Variants in ARHGAP10 observed in about 807,000 individuals in gnomAD.
The protein encoded by ARHGAP10 is Rho GTPase activating protein 10, also known as rho GTPase-activating protein 10.
Under a neutral mutation model 108.6 loss-of-function variants are expected in ARHGAP10, and 87 were observed. The observed-to-expected ratio is 0.80, with a 90% CI of 0.67 to 0.96. The LOEUF (loss-of-function observed/expected upper bound fraction) is 0.96. Among genes scored for constraint, ARHGAP10 ranks in the 40% least tolerant of loss-of-function variants. ARHGAP10 has a pLI of 0.00. For missense variants in ARHGAP10, 939 were observed against 954.5 expected, an observed-to-expected ratio of 0.98 and a Z score of 0.21; for synonymous variants, 347 against 341.1, an observed-to-expected ratio of 1.02 and a Z score of -0.19.
chr4:148,049,855 GGGGGGT>G (rs1729053181), intron 20 of ARHGAP10, among the ~76,000 whole-genome samples: 51 of 129,816 alleles, frequency 3.9e-4, no homozygotes, highest in African/African-American at 4.7e-4. Flanking sequence ...GGCGGGGGGC[GGGGGGT>G]GGTGGTGGCG....
At chr4:147,944,624 A>G (rs1738299640) in intron 14 of ARHGAP10, among the ~76,000 whole-genome samples, 1 of 152,226 alleles carries the variant, frequency 6.6e-6, no homozygotes, top group Admixed American at 6.5e-5. Flanking sequence ...TAAAAAGGAA[A>G]TGCTAACAAG....
chr4:147,926,095 G>GGGGA (rs1456506068), intron 13 of ARHGAP10, among the ~76,000 whole-genome samples: 3 of 152,128 alleles, frequency 2.0e-5, no homozygotes, highest in African/African-American at 7.2e-5. Flanking sequence ...GGTATGATGT[G>GGGGA]GGGAGATGTT....
intron 18 of ARHGAP10, among the ~76,000 whole-genome samples, chr4:147,990,424 T>TA (rs1740222043): frequency 6.6e-6 from 1 of 152,186 alleles, no homozygotes; most frequent in Non-Finnish European, 1.5e-5. Flanking sequence ...CTGCTAGACT[T>TA]CAATTAATCT....
At chr4:147,845,085 A>T (rs567320432) in intron 3 of ARHGAP10, among the ~76,000 whole-genome samples, 7 of 152,280 alleles carry the variant, frequency 4.6e-5, no homozygotes, top group Non-Finnish European at 1.0e-4. Context: ...GTAATGCTCA[A>T]ACTCCTCACC....
chr4:147,805,165 G>T (rs190307358), intron 1 of ARHGAP10, among the ~76,000 whole-genome samples: 1 of 152,272 alleles, frequency 6.6e-6, no homozygotes, highest in Admixed American at 6.5e-5. Flanking sequence ...GAGTTAGGAA[G>T]GGGGTCTAGT....
At chr4:147,788,116 G>A (rs750158301) in intron 1 of ARHGAP10, among the ~76,000 whole-genome samples, 1 of 135,620 alleles carries the variant, frequency 7.4e-6, no homozygotes, top group African/African-American at 2.8e-5. Context: ...ACCATAAATA[G>A]CTCCTTTTAA....
chr4:147,802,061 T>C (rs1459109514), intron 1 of ARHGAP10, among the ~76,000 whole-genome samples: 1 of 152,212 alleles, frequency 6.6e-6, no homozygotes, highest in East Asian at 1.9e-4. Flanking sequence ...GTAATGATGC[T>C]TGAGTAATGA....
At chr4:147,981,771 T>C (rs1161417551) in intron 18 of ARHGAP10, among the ~76,000 whole-genome samples, 1 of 152,240 alleles carries the variant, frequency 6.6e-6, no homozygotes, top group Non-Finnish European at 1.5e-5. Flanking sequence ...AATAGTTAAA[T>C]CTTCTTGTTG....
intron 18 of ARHGAP10, among the ~76,000 whole-genome samples, chr4:148,010,390 T>C (rs1741125810): frequency 1.3e-5 from 2 of 152,312 alleles, no homozygotes; most frequent in Middle Eastern, 3.4e-3. Context: ...CCTTTAACCA[T>C]TGGTTTTTTC....
In ARHGAP10 at chr4:147,767,585, T is replaced by G. The variant is rs575608955; in HGVS notation, c.154+35130T>G. ...ATCGTCTTGAAAATCTAGGCATAAG[T>G]GTGCACCTGTAGTCCCAGTTACTTG... On this transcript the variant is annotated intron_variant, in intron 1 of 22. Coordinates refer to ENST00000336498, the MANE Select transcript of ARHGAP10 (RefSeq NM_024605.4). 5.1e-4 allele frequency among the ~76,000 whole-genome samples: 78 copies of G among 152,182 alleles called. 1 individual carries two copies. Among genetic ancestry groups the G allele is most frequent in the Non-Finnish European group, 5.0e-4 (34 of 68,008 alleles).
At chr4:147,766,226 G>C (rs1729806701) in intron 1 of ARHGAP10, among the ~76,000 whole-genome samples, 1 of 152,086 alleles carries the variant, frequency 6.6e-6, no homozygotes, top group Non-Finnish European at 1.5e-5. Flanking sequence ...GGAGGCAGAG[G>C]TTGCAGCGAG....
rs201829552 is a variant in ARHGAP10 at position 147,822,745 on chromosome 4, G to A, written c.173G>A (p.Arg58Gln). 19 of 1,614,014 alleles carry A rather than the reference G, an allele frequency of 1.2e-5. No individual in the cohort carries two copies. Among genetic ancestry groups the A allele is most frequent in the East Asian group, 6.7e-5 (3 of 44,900 alleles). The stretch of plus-strand genomic sequence containing the variant: ...TTTCTAGGTCTGTCAGTGGCCCAGC[G>A]GAAGTTTGCTCATTCACTCAGAGAC... The part of the protein sequence containing the change: ...AATKSLSVAQ[R>Q]KFAHSLRDFK... The change falls in exon 2 of 23, where the codon CGG becomes CAG. Residue 58 changes from arginine to glutamine, a missense_variant. Transcript: ENST00000336498.
chr4:147,928,284 C>T (rs1287729532), intron 13 of ARHGAP10, among the ~76,000 whole-genome samples: 1 of 152,180 alleles, frequency 6.6e-6, no homozygotes, highest in African/African-American at 2.4e-5. Flanking sequence ...TAAAATATTT[C>T]TCACTTTTCT....
At chr4:147,861,120 C>G (rs966023718) in intron 5 of ARHGAP10, 1 of 152,330 alleles carries the variant, frequency 6.6e-6, no homozygotes, top group African/African-American at 2.4e-5. Context: ...GATCTCATGC[C>G]TGCCAAGGGC....
chr4:147,936,389 C>T (rs1304089124), intron 13 of ARHGAP10, among the ~76,000 whole-genome samples: 4 of 122,832 alleles, frequency 3.3e-5, no homozygotes, highest in Non-Finnish European at 6.4e-5. Flanking sequence ...ACTGCAGTGG[C>T]GCAATCTCGG....
chr4:147,982,137 A>C (rs1316927743), intron 18 of ARHGAP10, among the ~76,000 whole-genome samples: 1 of 152,218 alleles, frequency 6.6e-6, no homozygotes, highest in Non-Finnish European at 1.5e-5. Flanking sequence ...TCCCAGGCTC[A>C]AGTGATCCTT....
chr4:147,805,786 G>A (rs1731757398), intron 1 of ARHGAP10, among the ~76,000 whole-genome samples: 1 of 152,142 alleles, frequency 6.6e-6, no homozygotes, highest in African/African-American at 2.4e-5. Context: ...TGCATCGTGG[G>A]CAACAGAGCA....
At chr4:147,920,074 G>C (rs1051844726) in intron 13 of ARHGAP10, among the ~76,000 whole-genome samples, 1 of 151,962 alleles carries the variant, frequency 6.6e-6, no homozygotes, top group Non-Finnish European at 1.5e-5. Context: ...TCTTCATGTT[G>C]ATAGTGTCCT....
intron 19 of ARHGAP10, among the ~76,000 whole-genome samples, chr4:148,043,685 TAGGAAAAATGTATA>T (rs1252515351): frequency 1.5e-5 from 2 of 131,076 alleles, no homozygotes; most frequent in Non-Finnish European, 1.6e-5. Flanking sequence ...TGTAAGTATA[TAGGAAAAATGTATA>T]AGGAAAAATG....
Sources: gnomAD v4.1 joint callset for allele counts (sites outside exome capture counted in the v4.1 genomes callset) on GRCh38, gnomAD v4.1.1 for gene constraint, MANE v1.5 for transcripts, NCBI Gene and HGNC (gene_info 2026-07-23, HGNC 2026-07-21) for gene names.